Variants in AGO3 observed in about 807,000 individuals in gnomAD.
AGO3 encodes the protein argonaute RISC catalytic component 3, also known as protein argonaute-3.
AGO3 carries 16 observed loss-of-function variants against 105.5 expected under a neutral mutation model. The observed-to-expected ratio is 0.15, with a 90% CI of 0.10 to 0.23. The LOEUF (loss-of-function observed/expected upper bound fraction) is 0.23. Ranked by LOEUF, AGO3 falls within the 10% of genes least tolerant of loss-of-function variation. The probability of loss-of-function intolerance (pLI) is 1.00; values close to 1 mark genes in which losing one functional copy is unlikely to be tolerated. For missense variants in AGO3, 534 were observed against 1,088.0 expected, an observed-to-expected ratio of 0.49 and a Z score of 7.16; for synonymous variants, 340 against 367.3, an observed-to-expected ratio of 0.93 and a Z score of 0.85.
At chr1:35,959,949 G>C (rs987386488) in intron 2 of AGO3, among the ~76,000 whole-genome samples, 2 of 151,130 alleles carry the variant, frequency 1.3e-5, no homozygotes, top group African/African-American at 2.4e-5. Flanking sequence ...TATTCCATTT[G>C]GTTCCTGAGA....
At position 36,011,386 on chromosome 1, in the gene AGO3, G is replaced by T. The variant is rs545603473; in HGVS notation, c.1149+1792G>T. Among the ~76,000 whole-genome samples, 99 of 151,848 alleles carry T rather than the reference G, an allele frequency of 6.5e-4. No individual in the cohort carries two copies. The South Asian group carries it at 7.9e-3, about 12-fold the overall frequency. Reference sequence around the variant, plus strand: ...TTTTCCTTATTGACTCTTCTGTAAAGAGTCAAAGAAAGTTATTACATGATA... The same window carrying T: ...TTTTCCTTATTGACTCTTCTGTAAATAGTCAAAGAAAGTTATTACATGATA... On this transcript the variant is annotated intron_variant, in intron 9 of 18. Coordinates refer to ENST00000373191, the MANE Select transcript of AGO3 (RefSeq NM_024852.4).
chr1:36,034,025 C>A, intron 12 of AGO3, 149 bp from the exon 13 acceptor site: 1 of 553,988 alleles, frequency 1.8e-6, no homozygotes, highest in Non-Finnish European at 2.7e-6. Flanking sequence ...ATTTTAACAG[C>A]ATCGCCTTAG....
chr1:35,949,479 A>T (rs950584738), intron 2 of AGO3, among the ~76,000 whole-genome samples: 2 of 152,236 alleles, frequency 1.3e-5, no homozygotes, highest in Non-Finnish European at 2.9e-5. Flanking sequence ...TGCTTCAACA[A>T]CTGGAATTCT....
In AGO3 at chr1:36,053,547, T is replaced by C. The variant is rs754103383; in HGVS notation, c.2275-1399T>C. Among the ~76,000 whole-genome samples, 14 of 152,064 alleles carry C rather than the reference T, an allele frequency of 9.2e-5. 1 individual carries two copies. The highest frequency in any genetic ancestry group is 2.9e-4 in the African/African-American group (12 of 41,464). On this transcript the variant is annotated intron_variant, in intron 17 of 18. Coordinates refer to ENST00000373191, the MANE Select transcript of AGO3 (RefSeq NM_024852.4). ...ACCTTGTCCTCCCAAAGTGCTGGGA[T>C]TACAGGTGTGAGCCACCACACCCAG...
chr1:35,935,817 ATAT>A (rs769103907), intron 1 of AGO3, among the ~76,000 whole-genome samples: 3 of 152,370 alleles, frequency 2.0e-5, no homozygotes, highest in Non-Finnish European at 4.4e-5. Context: ...GTGAATTAAA[ATAT>A]TATTAATCTA....
rs559146840 is a variant in AGO3 at position 36,049,377 on chromosome 1, G to A, written c.2275-5569G>A. On this transcript the variant is annotated intron_variant, in intron 17 of 18. Transcript: ENST00000373191. ...TACTAAAAATACAAAAATTAGCCAG[G>A]CATGGTGGCACGCACCTGTAGTACC... is the stretch of plus-strand genomic sequence containing the variant. 2.2e-4 allele frequency among the ~76,000 whole-genome samples: 34 copies of A among 152,158 alleles called. 1 individual carries two copies. Among genetic ancestry groups the A allele is most frequent in the African/African-American group, 7.0e-4 (29 of 41,530 alleles).
chr1:35,957,748 T>G (rs1646597436), intron 2 of AGO3, among the ~76,000 whole-genome samples: 1 of 151,868 alleles, frequency 6.6e-6, no homozygotes, highest in East Asian at 1.9e-4. Context: ...ATGCTCAGTA[T>G]CGATTTTATA....
intron 3 of AGO3, among the ~76,000 whole-genome samples, chr1:35,968,547 G>T (rs2148771353): frequency 6.6e-6 from 1 of 152,192 alleles, no homozygotes; most frequent in South Asian, 2.1e-4. Context: ...TTTTATGACT[G>T]GCTTATTTCA....
chr1:36,008,635 A>G lies in AGO3; in HGVS notation c.794-55A>G, dbSNP rs2148813564. 1 of 1,537,876 alleles carries G rather than the reference A, an allele frequency of 6.5e-7. No individual in the cohort carries two copies. The highest frequency in any genetic ancestry group is 2.3e-5 in the East Asian group (1 of 44,360). ...ATGGTAATGAACAGGCTTTATAAGT[A>G]TAAATATTTTACATGTGACAGTTCT... On this transcript the variant is annotated intron_variant, in intron 6 of 18. Coordinates refer to ENST00000373191, the MANE Select transcript of AGO3 (RefSeq NM_024852.4). The surrounding 1 kb of genome is among the most constrained non-coding windows in gnomAD (Gnocchi z 5.1).
In AGO3 at chr1:36,034,223, T is replaced by C; in HGVS notation, c.1641T>C (p.Cys547=). The change falls in exon 13 of 19, where the codon TGT becomes TGC. Residue 547 remains cysteine (C), a synonymous_variant. Coordinates refer to ENST00000373191, the MANE Select transcript of AGO3 (RefSeq NM_024852.4). ...CACTTTTGGGTATGGCTACACAATGTGTTCAAGTCAAGAATGTAATAAAAA... is the reference window on the plus strand; with the variant it reads ...CACTTTTGGGTATGGCTACACAATGCGTTCAAGTCAAGAATGTAATAAAAA... ...GDTLLGMATQ[C]VQVKNVIKTS... is the part of the protein sequence containing the mutation. 1 of 1,603,614 alleles carries C rather than the reference T, an allele frequency of 6.2e-7. No individual in the cohort carries two copies. The highest frequency in any genetic ancestry group is 2.3e-5 in the East Asian group (1 of 44,188).
At chr1:36,048,543 GAAAACC>G (rs1642570741) in intron 17 of AGO3, among the ~76,000 whole-genome samples, 1 of 152,032 alleles carries the variant, frequency 6.6e-6, no homozygotes. Context: ...TTGCTCTACA[GAAAACC>G]ACCAACCCAC....
At chr1:36,028,122 G>A (rs984152553) in intron 12 of AGO3, among the ~76,000 whole-genome samples, 1 of 152,114 alleles carries the variant, frequency 6.6e-6, no homozygotes, top group Non-Finnish European at 1.5e-5. Flanking sequence ...GCTTACTGCA[G>A]CCTTGACCTC....
rs575896475 is a variant in AGO3 at position 35,943,964 on chromosome 1, C to G, written c.20-1728C>G. On this transcript the variant is annotated intron_variant, in intron 1 of 18. Transcript: ENST00000373191. ...CATGTTTTAGTGTGTGTCAGAATTT[C>G]TTTTTTAAGGCTGAATAATATTTCA... Among the ~76,000 whole-genome samples the G allele has an allele frequency of 2.4e-4, 37 of 152,236 alleles. 1 individual carries two copies. Among genetic ancestry groups the G allele is most frequent in the African/African-American group, 8.4e-4 (35 of 41,558 alleles).
At chr1:35,955,273 T>G (rs999068823) in intron 2 of AGO3, among the ~76,000 whole-genome samples, 2 of 152,184 alleles carry the variant, frequency 1.3e-5, no homozygotes, top group Non-Finnish European at 2.9e-5. Flanking sequence ...GTTGTAGTAG[T>G]CTAGGTTAGC....
In AGO3 at chr1:36,036,233, C is replaced by T. The variant is rs777730954; in HGVS notation, c.1808C>T (p.Pro603Leu). 1 of 1,614,104 alleles carries T rather than the reference C, an allele frequency of 6.2e-7. No homozygotes were observed. Among genetic ancestry groups the T allele is most frequent in the Admixed American group, 1.7e-5 (1 of 60,010 alleles). Residue 603 changes from proline to leucine, a missense_variant, in exon 14 of 19, where the codon CCT becomes CTT. This residue lies in a region of AGO3 where 373 missense variants were observed against 854.0 expected (regional missense o/e 0.44). Coordinates refer to ENST00000373191, the MANE Select transcript of AGO3 (RefSeq NM_024852.4). ...IFLGADVTHP[P>L]AGDGKKPSIA... ...TTGGGAGCCGATGTCACTCATCCAC[C>T]TGCTGGTGATGGAAAGAAGCCTTCT...
At chr1:35,999,080 C>T (rs185806169) in intron 5 of AGO3, among the ~76,000 whole-genome samples, 13 of 152,172 alleles carry the variant, frequency 8.5e-5, no homozygotes, top group Non-Finnish European at 1.5e-4. Flanking sequence ...TGGCTGGGCA[C>T]GGTGGCTCAT....
At chr1:35,950,780 C>T (rs551861651) in intron 2 of AGO3, among the ~76,000 whole-genome samples, 2 of 152,130 alleles carry the variant, frequency 1.3e-5, no homozygotes, top group African/African-American at 4.8e-5. Flanking sequence ...TTTGTCCAAC[C>T]TCTAAATACA....
At position 36,060,013 on chromosome 1, in the gene AGO3, T is replaced by G. The variant is rs986621114; in HGVS notation, c.*4268T>G. On this transcript the variant is annotated 3_prime_UTR_variant, in exon 19 of 19. Coordinates refer to ENST00000373191, the MANE Select transcript of AGO3 (RefSeq NM_024852.4). ...AATAGTGATCTTCTAACAAGTTTCT[T>G]GGAAAAACTATCATTCTAAGGGAAA... 1.1e-4 allele frequency: 17 copies of G among 152,208 alleles called. No individual in the cohort carries two copies. Among genetic ancestry groups the G allele is most frequent in the African/African-American group, 3.9e-4 (16 of 41,462 alleles). 9.4% of individuals were successfully genotyped at this position (152,208 alleles called of 1,614,324 possible). A position where few individuals can be genotyped will look rare whatever the true frequency, so the allele number is the denominator to read the frequency against.
chr1:35,961,556 C>CT (rs1301310789), intron 2 of AGO3, among the ~76,000 whole-genome samples: 1 of 152,066 alleles, frequency 6.6e-6, no homozygotes, highest in East Asian at 1.9e-4. Flanking sequence ...CTGTAATTTT[C>CT]TTTGAGTTTT....
Sources: allele counts gnomAD v4.1 joint callset (sites outside exome capture counted in the v4.1 genomes callset), GRCh38; gene constraint gnomAD v4.1.1; regional missense constraint gnomAD v4.1.1; non-coding constraint Gnocchi (gnomAD v3.1); transcripts MANE v1.5; gene names NCBI Gene and HGNC (gene_info 2026-07-23, HGNC 2026-07-21).